CAMK2D: variants seen among roughly 807,000 people sequenced by gnomAD.
CAMK2D encodes the protein calcium/calmodulin dependent protein kinase II delta.
CAMK2D carries 37 observed loss-of-function variants against 84.0 expected under a neutral mutation model. The ratio of observed to expected loss-of-function variants is 0.44; its 90% confidence interval spans 0.34 to 0.58. The LOEUF is 0.58. CAMK2D is among the 20% of genes least tolerant of loss of function. The probability of loss-of-function intolerance (pLI) is 0.02; values close to 1 mark genes in which losing one functional copy is unlikely to be tolerated. For synonymous variants in CAMK2D, 202 were observed against 212.5 expected (o/e 0.95, Z 0.43); for missense variants, 448 against 652.5 (o/e 0.69, Z 3.41).
chr4:113,596,887 T>C (rs561059354), intron 4 of CAMK2D, among the ~76,000 whole-genome samples: 10 of 151,670 alleles, frequency 6.6e-5, no homozygotes, highest in African/African-American at 2.4e-4. Context: ...TGGCATGATC[T>C]CAGCTCACTG....
intron 2 of CAMK2D, among the ~76,000 whole-genome samples, chr4:113,703,383 G>C (rs2154349657): frequency 6.6e-6 from 1 of 152,264 alleles, no homozygotes; most frequent in East Asian, 1.9e-4. Context: ...GGAGTACAGT[G>C]GTACAATCAC....
At chr4:113,732,413 G>A (rs139170575) in intron 2 of CAMK2D, among the ~76,000 whole-genome samples, 795 of 152,124 alleles carry the variant, frequency 5.2e-3, no homozygotes, top group Non-Finnish European at 8.5e-3. Flanking sequence ...GTGAGCCACC[G>A]TGCCCCACCC....
At chr4:113,600,462 G>C (rs1386173195) in intron 4 of CAMK2D, among the ~76,000 whole-genome samples, 1 of 151,974 alleles carries the variant, frequency 6.6e-6, no homozygotes, top group Non-Finnish European at 1.5e-5. Flanking sequence ...ACTTAAAACT[G>C]ATCTAAAATA....
At chr4:113,503,550 T>C (rs2098085629) in intron 14 of CAMK2D, among the ~76,000 whole-genome samples, 2 of 152,150 alleles carry the variant, frequency 1.3e-5, no homozygotes, top group Admixed American at 6.5e-5. Flanking sequence ...TTAAGGAACA[T>C]TTAAAAAGTT....
At chr4:113,642,796 G>T (rs545453295) in intron 3 of CAMK2D, among the ~76,000 whole-genome samples, 1 of 151,966 alleles carries the variant, frequency 6.6e-6, no homozygotes, top group East Asian at 1.9e-4. Flanking sequence ...GCCCACCAGG[G>T]CAAGGGCAAA....
intron 2 of CAMK2D, among the ~76,000 whole-genome samples, chr4:113,694,270 T>A (rs1438051729): frequency 1.3e-5 from 2 of 152,174 alleles, no homozygotes; most frequent in Admixed American, 6.6e-5. Flanking sequence ...GAAGATCTAG[T>A]TTCTTAGCCA....
chr4:113,596,668 T>C (rs2098928182), intron 4 of CAMK2D, among the ~76,000 whole-genome samples: 1 of 151,102 alleles, frequency 6.6e-6, no homozygotes, highest in South Asian at 2.1e-4. Context: ...AAAGAAATCA[T>C]TTTTCTTCCC....
At chr4:113,588,667 A>G (rs1261694066) in intron 4 of CAMK2D, among the ~76,000 whole-genome samples, 1 of 152,188 alleles carries the variant, frequency 6.6e-6, no homozygotes, top group Non-Finnish European at 1.5e-5. Context: ...CAACTCTTTA[A>G]ACCCTTTGCA....
Position 113,530,929 on chromosome 4 carries a change from C to A in CAMK2D, c.601+287G>T, listed in dbSNP as rs181386327. On this transcript the variant is annotated intron_variant, in intron 8 of 20. Transcript: ENST00000511664. Reference sequence around the variant, plus strand: ...TGAAACCCTGTCTCTACTAAAAATACAGAAATTAGCCATGCATGGTTGCAC... The same window carrying A: ...TGAAACCCTGTCTCTACTAAAAATAAAGAAATTAGCCATGCATGGTTGCAC... Among the ~76,000 whole-genome samples, 6 of 152,054 alleles carry A rather than the reference C, an allele frequency of 3.9e-5. No homozygotes were observed. In the East Asian group the frequency reaches 1.2e-3, roughly 29 times the overall value.
chr4:113,546,189 A>G (rs2098569114), intron 6 of CAMK2D, among the ~76,000 whole-genome samples: 1 of 152,216 alleles, frequency 6.6e-6, no homozygotes, highest in African/African-American at 2.4e-5. Context: ...AATTGCACAA[A>G]TGATGTGCAT....
chr4:113,729,351 A>G (rs2099555745), intron 2 of CAMK2D, among the ~76,000 whole-genome samples: 1 of 152,202 alleles, frequency 6.6e-6, no homozygotes, highest in Non-Finnish European at 1.5e-5. Context: ...AGGACCTTCC[A>G]TGACATAGCT....
intron 3 of CAMK2D, among the ~76,000 whole-genome samples, chr4:113,657,357 C>T (rs533082829): frequency 3.9e-5 from 6 of 152,068 alleles, no homozygotes; most frequent in Non-Finnish European, 7.4e-5. Flanking sequence ...GAAAAGAGGG[C>T]CATTGTCTCT....
At chr4:113,702,306 G>A (rs550776404) in intron 2 of CAMK2D, among the ~76,000 whole-genome samples, 1 of 152,196 alleles carries the variant, frequency 6.6e-6, no homozygotes, top group South Asian at 2.1e-4. Flanking sequence ...AAATATTCTA[G>A]GCTTCGCATG....
At chr4:113,574,263 T>C (rs1427664697) in intron 4 of CAMK2D, among the ~76,000 whole-genome samples, 1 of 152,214 alleles carries the variant, frequency 6.6e-6, no homozygotes, top group Non-Finnish European at 1.5e-5. Flanking sequence ...AGCCTCCTAA[T>C]CAATCTCCCA....
chr4:113,500,583 G>C, intron 15 of CAMK2D, 72 bp from the exon 16 acceptor site: 2 of 969,454 alleles, frequency 2.1e-6, no homozygotes, highest in South Asian at 1.4e-5. Context: ...AAATTGGCTA[G>C]TGACATACAT....
At chr4:113,748,507 A>G (rs2099609850) in intron 2 of CAMK2D, among the ~76,000 whole-genome samples, 1 of 152,162 alleles carries the variant, frequency 6.6e-6, no homozygotes, top group African/African-American at 2.4e-5. Flanking sequence ...AAGTTATACA[A>G]AAGAATGTCT....
intron 16 of CAMK2D, among the ~76,000 whole-genome samples, chr4:113,491,537 C>A (rs1458802130): frequency 6.6e-6 from 1 of 152,040 alleles, no homozygotes; most frequent in African/African-American, 2.4e-5. Context: ...CTGCTGGATT[C>A]GTTTTGCCAG....
At chr4:113,579,961 A>T (rs950599802) in intron 4 of CAMK2D, among the ~76,000 whole-genome samples, 14 of 152,232 alleles carry the variant, frequency 9.2e-5, no homozygotes, top group Non-Finnish European at 7.3e-5. Flanking sequence ...TTCTTCAACC[A>T]ACAGTTCCAT....
chr4:113,725,592 C>A (rs746259583), intron 2 of CAMK2D, among the ~76,000 whole-genome samples: 11 of 152,102 alleles, frequency 7.2e-5, no homozygotes, highest in Non-Finnish European at 1.5e-4. Flanking sequence ...TAGGTTTAAT[C>A]TGCTTATAAC....
Sources: allele counts gnomAD v4.1 joint callset (sites outside exome capture counted in the v4.1 genomes callset), GRCh38; gene constraint gnomAD v4.1.1; transcripts MANE v1.5; gene names NCBI Gene and HGNC (gene_info 2026-07-23, HGNC 2026-07-21).